Variants in DTNA observed in about 807,000 individuals in gnomAD.
DTNA encodes the protein dystrophin-related protein 3.
DTNA carries 43 observed loss-of-function variants against 100.7 expected under a neutral mutation model. The ratio of observed to expected loss-of-function variants is 0.43; its 90% CI spans 0.33 to 0.55. The LOEUF (loss-of-function observed/expected upper bound fraction) is 0.55, where lower values mean the gene tolerates loss of function less well. Ranked by LOEUF, DTNA falls within the 20% of genes least tolerant of loss-of-function variation. The pLI, the probability that DTNA is intolerant of heterozygous loss-of-function variation, is 0.04. For missense variants in DTNA, 798 were observed against 953.9 expected, an observed-to-expected ratio of 0.84 and a Z score of 2.15; for synonymous variants, 349 against 347.9, an observed-to-expected ratio of 1.00 and a Z score of -0.04.
chr18:34,597,603 G>A (rs1323033720), intron 1 of DTNA, among the ~76,000 whole-genome samples: 5 of 152,106 alleles, frequency 3.3e-5, no homozygotes, highest in Admixed American at 2.0e-4. Flanking sequence ...AAAGCTTAGT[G>A]TCCTTAGTAT....
chr18:34,526,635 A>G (rs2042647703), intron 1 of DTNA, among the ~76,000 whole-genome samples: 1 of 152,136 alleles, frequency 6.6e-6, no homozygotes, highest in Non-Finnish European at 1.5e-5. Context: ...TAACAGGAAT[A>G]TGTAAAATTA....
At chr18:34,551,499 C>T (rs1188272860) in intron 1 of DTNA, among the ~76,000 whole-genome samples, 1 of 152,022 alleles carries the variant, frequency 6.6e-6, no homozygotes, top group Non-Finnish European at 1.5e-5. Context: ...TTTGTCAATG[C>T]TTGTTGGCAT....
At chr18:34,633,952 G>A (rs943099384) in intron 1 of DTNA, among the ~76,000 whole-genome samples, 2 of 152,178 alleles carry the variant, frequency 1.3e-5, no homozygotes, top group Admixed American at 6.5e-5. Flanking sequence ...TCTACAGTAC[G>A]TTTTGCAGCA....
intron 21 of DTNA, among the ~76,000 whole-genome samples, chr18:34,883,129 T>C (rs1476436547): frequency 6.6e-6 from 1 of 152,236 alleles, no homozygotes; most frequent in East Asian, 1.9e-4. Flanking sequence ...GTCGTTCTAC[T>C]ACCTTGTTTG....
intron 2 of DTNA, among the ~76,000 whole-genome samples, chr18:34,757,934 G>A (rs781535051): frequency 4.6e-5 from 7 of 152,114 alleles, no homozygotes; most frequent in Non-Finnish European, 7.4e-5. Context: ...AGCTAAATAC[G>A]TCTGACCTTA....
upstream of DTNA, among the ~76,000 whole-genome samples, chr18:34,707,704 C>G (rs975243418): frequency 5.3e-5 from 8 of 152,152 alleles, no homozygotes; most frequent in East Asian, 5.8e-4. Context: ...CAGTGAGAGT[C>G]TCTATTCAGC....
At chr18:34,648,455 G>A (rs1451584107) in intron 1 of DTNA, among the ~76,000 whole-genome samples, 1 of 152,182 alleles carries the variant, frequency 6.6e-6, no homozygotes, top group Non-Finnish European at 1.5e-5. Context: ...CAGTGCAGTG[G>A]TTTAAAACAA....
At chr18:34,868,082 T>A (rs969128870) in intron 17 of DTNA, 1 of 862,754 alleles carries the variant, frequency 1.2e-6, no homozygotes, top group African/African-American at 2.0e-5. Flanking sequence ...AATCAAAAAC[T>A]AAAGAAAATA....
At chr18:34,790,870 G>C (rs1049215565) in intron 3 of DTNA, among the ~76,000 whole-genome samples, 3 of 152,148 alleles carry the variant, frequency 2.0e-5, no homozygotes, top group African/African-American at 7.2e-5. Flanking sequence ...CATGGAAATG[G>C]TGGGATTACA....
chr18:34,886,230 TA>T (rs1426473878), intron 22 of DTNA, among the ~76,000 whole-genome samples: 1 of 152,242 alleles, frequency 6.6e-6, no homozygotes, highest in Non-Finnish European at 1.5e-5. Context: ...AGGTTAAAAT[TA>T]AGCAAGTGAA....
At position 34,820,849 on chromosome 18, in the gene DTNA, G is replaced by A; in HGVS notation, c.935G>A (p.Ser312Asn). ...AGCAAGTCCCTGAGCTGTGCTTCCAGCCGTGAACCTTTGCACCCCATGTTC... is the reference window on the plus strand; with the variant it reads ...AGCAAGTCCCTGAGCTGTGCTTCCAACCGTGAACCTTTGCACCCCATGTTC... ...ALSKSLSCAS[S>N]REPLHPMFPD... is the part of the protein sequence containing the mutation. Residue 312 changes from serine to asparagine, a missense_variant, in exon 9 of 23, where the codon AGC becomes AAC. Transcript: ENST00000444659. 1 of 1,614,070 alleles carries A rather than the reference G, an allele frequency of 6.2e-7. No individual in the cohort carries two copies. The highest frequency in any genetic ancestry group is 8.5e-7 in the Non-Finnish European group (1 of 1,180,008).
At chr18:34,563,104 A>T (rs564395973) in intron 1 of DTNA, among the ~76,000 whole-genome samples, 1 of 152,270 alleles carries the variant, frequency 6.6e-6, no homozygotes, top group Non-Finnish European at 1.5e-5. Flanking sequence ...ACGTGGAACT[A>T]CCCAATGTGA....
At chr18:34,539,220 G>A (rs893903292) in intron 1 of DTNA, among the ~76,000 whole-genome samples, 2 of 151,640 alleles carry the variant, frequency 1.3e-5, no homozygotes, top group African/African-American at 2.4e-5. Flanking sequence ...GGAAAGGTTC[G>A]TAGAATCAGT....
intron 1 of DTNA, among the ~76,000 whole-genome samples, chr18:34,522,349 G>A (rs929786745): frequency 3.9e-5 from 6 of 152,160 alleles, no homozygotes; most frequent in Non-Finnish European, 7.3e-5. Context: ...TGATCCCAAA[G>A]ACAGGGAAAT....
intron 9 of DTNA, among the ~76,000 whole-genome samples, chr18:34,826,131 G>T (rs2095853542): frequency 2.6e-5 from 4 of 152,084 alleles, no homozygotes; most frequent in Admixed American, 2.6e-4. Flanking sequence ...TGTTGTTTTG[G>T]CTTCATCCAA....
In DTNA at chr18:34,747,775, G is replaced by A. The variant is rs184818711; in HGVS notation, c.-1-8201G>A. On this transcript the variant is annotated intron_variant, in intron 1 of 22. Transcript: ENST00000444659. ...ACACTTAGGTTGGTTCTTTATCTTT[G>A]CAATTGCAAATTGTGCTGCAAATTG... Among the ~76,000 whole-genome samples, 429 of 152,142 alleles carry A rather than the reference G, an allele frequency of 2.8e-3. 2 individuals are homozygous for A. The highest frequency in any genetic ancestry group is 4.9e-3 in the Non-Finnish European group (335 of 67,986).
intron 1 of DTNA, among the ~76,000 whole-genome samples, chr18:34,717,995 G>T (rs1052773039): frequency 6.6e-6 from 1 of 152,220 alleles, no homozygotes; most frequent in Non-Finnish European, 1.5e-5. Context: ...AATTTAAAAA[G>T]AGTAGATTTG....
At chr18:34,515,596 TCTA>T (rs1442568397) in intron 1 of DTNA, among the ~76,000 whole-genome samples, 2 of 152,152 alleles carry the variant, frequency 1.3e-5, no homozygotes, top group African/African-American at 4.8e-5. Context: ...ACTGTTGTTC[TCTA>T]CTACTTGTGT....
intron 1 of DTNA, among the ~76,000 whole-genome samples, chr18:34,605,950 T>C (rs1362264474): frequency 1.3e-5 from 2 of 152,194 alleles, no homozygotes; most frequent in Admixed American, 6.5e-5. Context: ...GTCTGTGGTT[T>C]ATTTAAATGA....
Sources: allele counts gnomAD v4.1 joint callset (sites outside exome capture counted in the v4.1 genomes callset), GRCh38; gene constraint gnomAD v4.1.1; transcripts MANE v1.5; gene names NCBI Gene and HGNC (gene_info 2026-07-23, HGNC 2026-07-21).